The following RBFOX3 variants were observed in gnomAD, a reference collection of about 807,000 sequenced individuals.
RBFOX3 encodes RNA binding fox-1 homolog 3.
A neutral mutation model predicts 48.7 loss-of-function variants in RBFOX3; 17 were observed. The ratio of observed to expected loss-of-function variants is 0.35; its 90% CI spans 0.24 to 0.52. The LOEUF is 0.52. Among genes scored for constraint, RBFOX3 ranks in the 20% least tolerant of loss-of-function variants. The pLI is 0.94. For synonymous variants in RBFOX3, 212 were observed against 209.5 expected (o/e 1.01, Z -0.10); for missense variants, 382 against 497.5 (o/e 0.77, Z 2.21).
At chr17:79,240,728 A>G (rs2062232838) in intron 3 of RBFOX3, among the ~76,000 whole-genome samples, 1 of 152,128 alleles carries the variant, frequency 6.6e-6, no homozygotes, top group African/African-American at 2.4e-5. Context: ...CAGTGGCACA[A>G]TCTCAGCTCA....
intron 1 of RBFOX3, among the ~76,000 whole-genome samples, chr17:79,576,795 G>C (rs1221546162): frequency 6.6e-6 from 1 of 152,144 alleles, no homozygotes; most frequent in Non-Finnish European, 1.5e-5. Context: ...GGAAATGATG[G>C]AGATCATGGA....
chr17:79,630,792 C>T, the RBFOX3 span, among the ~76,000 whole-genome samples: 1 of 152,166 alleles, frequency 6.6e-6, no homozygotes, highest in South Asian at 2.1e-4. Context: ...GTTTAACCCT[C>T]AAAATAATGC....
intron 13 of RBFOX3, among the ~76,000 whole-genome samples, chr17:79,094,866 CA>C (rs1657293848): frequency 6.6e-6 from 1 of 151,972 alleles, no homozygotes; most frequent in South Asian, 2.1e-4. Context: ...ACTTCCACCC[CA>C]AAAAGAATGT....
rs920922909 is a variant in RBFOX3, at chr17:79,242,511, T to G, written c.-73-6706A>C. 2.0e-5 allele frequency among the ~76,000 whole-genome samples: 3 copies of G among 151,912 alleles called. No homozygotes were observed. The highest frequency in any genetic ancestry group is 2.9e-5 in the Non-Finnish European group (2 of 67,990). ...TTTAATGTGATGTTTTCCTCCTTCT[T>G]CTGAATAGAAATTTGCCTTTAGAGA... On this transcript the variant is annotated intron_variant, in intron 3 of 14. Coordinates refer to ENST00000693108, the MANE Select transcript of RBFOX3 (RefSeq NM_001350451.2). This position sits in a 1 kb window ranked among gnomAD's most constrained non-coding sequence, Gnocchi z 5.8.
At chr17:79,189,527 C>T (rs969113368) in intron 4 of RBFOX3, among the ~76,000 whole-genome samples, 16 of 152,230 alleles carry the variant, frequency 1.1e-4, no homozygotes, top group African/African-American at 2.7e-4. Flanking sequence ...ATCACACCAC[C>T]GCTCCGTCTG....
intron 4 of RBFOX3, among the ~76,000 whole-genome samples, chr17:79,149,419 C>T (rs1325250239): frequency 2.6e-5 from 4 of 152,142 alleles, no homozygotes; most frequent in African/African-American, 2.4e-5. Context: ...TCTCCCCACT[C>T]GTTGGATTGG....
chr17:79,158,562 G>C (rs1384333861), intron 4 of RBFOX3, among the ~76,000 whole-genome samples: 2 of 152,210 alleles, frequency 1.3e-5, no homozygotes, highest in African/African-American at 2.4e-5. Flanking sequence ...ACCCCAACCA[G>C]AGCCCCTACA....
chr17:79,190,431 AC>A (rs374319505), intron 4 of RBFOX3, among the ~76,000 whole-genome samples: 10,484 of 145,970 alleles, frequency 0.072, 532 homozygotes, highest in Non-Finnish European at 0.11. Context: ...AAAAAAAAAA[AC>A]AAAAAAACAG....
chr17:79,641,206 T>C, the RBFOX3 span, among the ~76,000 whole-genome samples: 2 of 152,194 alleles, frequency 1.3e-5, no homozygotes, highest in Non-Finnish European at 2.9e-5. Context: ...GAAAAGGTGG[T>C]CATTATTAAC....
chr17:79,161,293 T>G (rs2046934558), intron 4 of RBFOX3, among the ~76,000 whole-genome samples: 1 of 151,786 alleles, frequency 6.6e-6, no homozygotes, highest in South Asian at 2.1e-4. Context: ...AGGGGACAGG[T>G]CAGGTTGGAG....
intron 2 of RBFOX3, among the ~76,000 whole-genome samples, chr17:79,388,693 G>A (rs527398298): frequency 1.1e-4 from 17 of 152,216 alleles, no homozygotes; most frequent in East Asian, 3.9e-4. Context: ...TCCACGTCCC[G>A]GCCAGGGTTC....
chr17:79,451,394 G>A (rs1330769538), intron 2 of RBFOX3, among the ~76,000 whole-genome samples: 1 of 152,188 alleles, frequency 6.6e-6, no homozygotes, highest in African/African-American at 2.4e-5. Flanking sequence ...TCTGAACCCA[G>A]AAGACAAGCT....
chr17:79,587,630 T>TC (rs1438300949), intron 1 of RBFOX3, among the ~76,000 whole-genome samples: 3 of 151,376 alleles, frequency 2.0e-5, no homozygotes, highest in Admixed American at 2.0e-4. Flanking sequence ...CCAGGCGAGG[T>TC]CCCCCCACGG....
chr17:79,378,426 A>C (rs1401626343), intron 2 of RBFOX3, among the ~76,000 whole-genome samples: 1 of 152,228 alleles, frequency 6.6e-6, no homozygotes, highest in Non-Finnish European at 1.5e-5. Flanking sequence ...TCCCAAGAAC[A>C]GGTAGAGGAT....
At chr17:79,116,998 G>T (rs1298554429) in intron 4 of RBFOX3, among the ~76,000 whole-genome samples, 2 of 152,364 alleles carry the variant, frequency 1.3e-5, no homozygotes, top group East Asian at 1.9e-4. Flanking sequence ...AAGCAGCCCT[G>T]GTGGGGAGCC....
chr17:79,122,308 A>G (rs551294775), intron 4 of RBFOX3, among the ~76,000 whole-genome samples: 38 of 152,220 alleles, frequency 2.5e-4, no homozygotes, highest in African/African-American at 7.9e-4. Context: ...CAAAGTCCTG[A>G]GACGGCCCCT....
chr17:79,257,581 C>T (rs879535073), intron 3 of RBFOX3, among the ~76,000 whole-genome samples: 1 of 151,688 alleles, frequency 6.6e-6, no homozygotes, highest in Non-Finnish European at 1.5e-5. Flanking sequence ...CTGTTCTTTG[C>T]TTTTTTTTTC....
At chr17:79,573,187 A>G (rs1261340863) in intron 1 of RBFOX3, among the ~76,000 whole-genome samples, 1 of 152,164 alleles carries the variant, frequency 6.6e-6, no homozygotes, top group Non-Finnish European at 1.5e-5. Context: ...CCACTCTAGA[A>G]GTCACCCTCT....
At chr17:79,184,197 C>A (rs928923422) in intron 4 of RBFOX3, among the ~76,000 whole-genome samples, 12 of 152,228 alleles carry the variant, frequency 7.9e-5, no homozygotes, top group Admixed American at 4.6e-4. Context: ...CAACCAGAGC[C>A]TCCAGGAGCG....
Sources: allele counts gnomAD v4.1 joint callset (sites outside exome capture counted in the v4.1 genomes callset), GRCh38; gene constraint gnomAD v4.1.1; non-coding constraint Gnocchi (gnomAD v3.1); transcripts MANE v1.5; gene names NCBI Gene and HGNC (gene_info 2026-07-23, HGNC 2026-07-21).